CALCR: variants seen among roughly 807,000 people sequenced by gnomAD.
CALCR encodes the protein calcitonin receptor.
CALCR carries 47 observed loss-of-function variants against 59.5 expected under a neutral mutation model. The ratio of observed to expected loss-of-function variants is 0.79; its 90% CI spans 0.63 to 1.01. The LOEUF (loss-of-function observed/expected upper bound fraction) is 1.01. Ranked by LOEUF, CALCR falls within the 50% of genes least tolerant of loss-of-function variation. CALCR has a pLI of 0.00. For missense variants in CALCR, 566 were observed against 597.1 expected, an observed-to-expected ratio of 0.95 and a Z score of 0.54; for synonymous variants, 213 against 211.3, an observed-to-expected ratio of 1.01 and a Z score of -0.07.
chr7:93,481,268 G>C (rs1047582959), intron 3 of CALCR, among the ~76,000 whole-genome samples: 3 of 151,776 alleles, frequency 2.0e-5, no homozygotes, highest in African/African-American at 7.2e-5. Flanking sequence ...GGTTGTGAAA[G>C]GAGAATTTTT....
intron 7 of CALCR, among the ~76,000 whole-genome samples, chr7:93,465,251 A>G (rs1052388271): frequency 3.9e-5 from 6 of 151,976 alleles, no homozygotes; most frequent in African/African-American, 1.4e-4. Flanking sequence ...ATTTATGGAT[A>G]AGTAAATTTA....
chr7:93,459,729 A>C (rs1665845013), intron 8 of CALCR, among the ~76,000 whole-genome samples: 1 of 152,136 alleles, frequency 6.6e-6, no homozygotes, highest in Non-Finnish European at 1.5e-5. Flanking sequence ...ACTGTGAAAA[A>C]CAGTATCTTG....
intron 2 of CALCR, among the ~76,000 whole-genome samples, chr7:93,546,623 C>T (rs1789295520): frequency 6.6e-6 from 1 of 151,208 alleles, no homozygotes; most frequent in African/African-American, 2.4e-5. Context: ...GGGATCACAG[C>T]TCACTGCAGC....
intron 2 of CALCR, among the ~76,000 whole-genome samples, chr7:93,547,911 C>G (rs542847368): frequency 1.8e-4 from 28 of 152,266 alleles, no homozygotes; most frequent in African/African-American, 6.3e-4. Flanking sequence ...GTGCTGATTG[C>G]TTAAGCACGA....
chr7:93,547,119 G>A (rs1020994838), intron 2 of CALCR, among the ~76,000 whole-genome samples: 18 of 152,080 alleles, frequency 1.2e-4, no homozygotes, highest in African/African-American at 4.1e-4. Context: ...CTCATGGTAC[G>A]GACCTCTTAG....
rs1033130210 is a variant in CALCR, at chr7:93,517,534, G to A, written c.-26-30527C>T. 2.0e-5 allele frequency among the ~76,000 whole-genome samples: 3 copies of A among 151,752 alleles called. No individual in the cohort carries two copies. In the East Asian group the frequency reaches 5.8e-4, roughly 29 times the overall value. Reference sequence around the variant, plus strand: ...TAGCATTACAATCCATAACAGCACTGCTATCTTTTTAGAATTCTTGAAGAC... The same window carrying A: ...TAGCATTACAATCCATAACAGCACTACTATCTTTTTAGAATTCTTGAAGAC... On this transcript the variant is annotated intron_variant, in intron 2 of 13. Transcript: ENST00000426151.
In CALCR at chr7:93,564,113, T is replaced by C. The variant is rs562707252; in HGVS notation, c.-27+10176A>G. Among the ~76,000 whole-genome samples, 3 of 152,270 alleles carry C rather than the reference T, an allele frequency of 2.0e-5. 1 individual carries two copies. Among genetic ancestry groups the C allele is most frequent in the African/African-American group, 7.2e-5 (3 of 41,552 alleles). ...TTTTTTAGAAAGTAGAAATTACACA[T>C]TTCTGGGAATCTGGGTTTGATCAAA... On this transcript the variant is annotated intron_variant, in intron 2 of 13. Coordinates refer to ENST00000426151, the MANE Select transcript of CALCR (RefSeq NM_001742.4).
intron 2 of CALCR, among the ~76,000 whole-genome samples, chr7:93,490,864 T>C (rs1801059488): frequency 6.6e-6 from 1 of 151,972 alleles, no homozygotes; most frequent in Non-Finnish European, 1.5e-5. Flanking sequence ...GCTATTCCCA[T>C]CAAACTACCA....
rs1012231064 is a variant in CALCR, at chr7:93,430,464, C to A, written c.1191+3789G>T. Among the ~76,000 whole-genome samples, 29 of 152,012 alleles carry A rather than the reference C, an allele frequency of 1.9e-4. 1 individual carries two copies. On this transcript the variant is annotated intron_variant, in intron 13 of 13. Transcript: ENST00000426151. ...TTATAGAATCAGAGCTTTCTGATTC[C>A]CATTCATTATCTCTTTTCTTATGTT...
chr7:93,503,672 C>T (rs565040439), intron 2 of CALCR, among the ~76,000 whole-genome samples: 1 of 151,990 alleles, frequency 6.6e-6, no homozygotes, highest in Non-Finnish European at 1.5e-5. Context: ...AGGAATGTTC[C>T]CTATGGCGTA....
chr7:93,559,096 C>T lies in CALCR; in HGVS notation c.-27+15193G>A, dbSNP rs79166087. Reference sequence around the variant, plus strand: ...AAAAAATTCTTGTCCCTGTCATCAACTTCCATGTCATGAGGATAAAAGGGA... The same window carrying T: ...AAAAAATTCTTGTCCCTGTCATCAATTTCCATGTCATGAGGATAAAAGGGA... On this transcript the variant is annotated intron_variant, in intron 2 of 13. Coordinates refer to ENST00000426151, the MANE Select transcript of CALCR (RefSeq NM_001742.4). 1.5e-3 allele frequency among the ~76,000 whole-genome samples: 232 copies of T among 152,234 alleles called. 7 individuals carry two copies. In the East Asian group the frequency reaches 0.042, roughly 28 times the overall value.
intron 7 of CALCR, among the ~76,000 whole-genome samples, chr7:93,467,212 T>C (rs554205851): frequency 6.6e-6 from 1 of 152,004 alleles, no homozygotes; most frequent in East Asian, 1.9e-4. Flanking sequence ...TACTGTATTC[T>C]GATCATTATC....
At chr7:93,461,537 T>A (rs572349295) in intron 7 of CALCR, among the ~76,000 whole-genome samples, 2 of 152,270 alleles carry the variant, frequency 1.3e-5, no homozygotes, top group African/African-American at 4.8e-5. Context: ...CCAACCCTCC[T>A]GATGGTGGAG....
chr7:93,466,877 G>T (rs777034460), intron 7 of CALCR, among the ~76,000 whole-genome samples: 2 of 151,152 alleles, frequency 1.3e-5, no homozygotes, highest in South Asian at 4.2e-4. Flanking sequence ...AGAAATGATC[G>T]TTGAAAAAAA....
intron 6 of CALCR, 121 bp from the exon 7 acceptor site, chr7:93,468,927 CAATTAT>C: frequency 2.1e-6 from 1 of 480,324 alleles, no homozygotes; most frequent in Non-Finnish European, 3.6e-6. Flanking sequence ...AAACCTACTA[CAATTAT>C]AACAAATATT....
rs1025275018 is a variant in CALCR, at chr7:93,451,403, G to A, written c.649-7646C>T. Among the ~76,000 whole-genome samples, 7 of 152,058 alleles carry A rather than the reference G, an allele frequency of 4.6e-5. No homozygotes were observed. In the Middle Eastern group the frequency reaches 0.01, roughly 222 times the overall value. On this transcript the variant is annotated intron_variant, in intron 8 of 13. Coordinates refer to ENST00000426151, the MANE Select transcript of CALCR (RefSeq NM_001742.4). The stretch of plus-strand genomic sequence containing the variant: ...GCAATTGAATACTTTTTCTGCAATG[G>A]CCATCTTTACATGGGGTTCATTTAA...
At chr7:93,569,573 A>C (rs762633581) in intron 2 of CALCR, among the ~76,000 whole-genome samples, 2 of 152,044 alleles carry the variant, frequency 1.3e-5, no homozygotes, top group Non-Finnish European at 2.9e-5. Context: ...AGGCACCCTC[A>C]TGGCATTTCT....
At chr7:93,515,147 A>G (rs1309242758) in intron 2 of CALCR, among the ~76,000 whole-genome samples, 1 of 152,096 alleles carries the variant, frequency 6.6e-6, no homozygotes, top group Non-Finnish European at 1.5e-5. Flanking sequence ...TGATCAATTC[A>G]TGATTCTTAT....
intron 8 of CALCR, among the ~76,000 whole-genome samples, chr7:93,458,095 A>G (rs1800244793): frequency 6.6e-6 from 1 of 152,198 alleles, no homozygotes; most frequent in African/African-American, 2.4e-5. Flanking sequence ...AAATTCATCA[A>G]GATAAACACA....
Sources: gnomAD v4.1 joint callset for allele counts (sites outside exome capture counted in the v4.1 genomes callset) on GRCh38, gnomAD v4.1.1 for gene constraint, MANE v1.5 for transcripts, NCBI Gene and HGNC (gene_info 2026-07-23, HGNC 2026-07-21) for gene names.